Variants in USP15 observed in about 807,000 individuals in gnomAD.
USP15 encodes ubiquitin carboxyl-terminal hydrolase 15.
Under a neutral mutation model 127.1 loss-of-function variants are expected in USP15, and 18 were observed. The ratio of observed to expected loss-of-function variants is 0.14; its 90% confidence interval spans 0.10 to 0.21. The LOEUF (loss-of-function observed/expected upper bound fraction) is 0.21. Among genes scored for constraint, USP15 ranks in the 10% least tolerant of loss-of-function variants. The pLI is 1.00. For missense variants in USP15, 805 were observed against 1,159.9 expected (o/e 0.69, Z 4.44); for synonymous variants, 364 against 393.7 (o/e 0.92, Z 0.89).
At chr12:62,294,329 C>A in intron 2 of USP15, 23 bp downstream of exon 2, 1 of 1,600,436 alleles carries the variant, frequency 6.2e-7, no homozygotes, top group South Asian at 1.2e-5. Flanking sequence ...TTCCTTCAGT[C>A]AAGTTGTAAA....
rs1390309094 is a variant in USP15 at position 62,366,476 on chromosome 12, T to C, written c.915+11001T>C. Among the ~76,000 whole-genome samples the C allele has an allele frequency of 9.8e-5, 15 of 152,324 alleles. No homozygotes were observed. In the East Asian group the frequency reaches 1.9e-3, roughly 20 times the overall value. On this transcript the variant is annotated intron_variant, in intron 8 of 21. Coordinates refer to ENST00000280377, the MANE Select transcript of USP15 (RefSeq NM_001252078.2). ...CTGAGACGATGGGGTTTTCTAAATA[T>C]ACAATCATGCCATCTGCCAACAGAG...
At chr12:62,340,151 A>C (rs2065602926) in intron 6 of USP15, among the ~76,000 whole-genome samples, 1 of 152,122 alleles carries the variant, frequency 6.6e-6, no homozygotes, top group African/African-American at 2.4e-5. Context: ...CGTTTCTTCT[A>C]GATTTTCTAG....
intron 4 of USP15, among the ~76,000 whole-genome samples, chr12:62,316,189 G>C (rs1207963398): frequency 1.3e-5 from 2 of 151,374 alleles, no homozygotes; most frequent in Non-Finnish European, 2.9e-5. Flanking sequence ...GGGAGGCTGA[G>C]GCAAAAAAAT....
chr12:62,297,609 A>G (rs2064172236), intron 2 of USP15, among the ~76,000 whole-genome samples: 2 of 152,254 alleles, frequency 1.3e-5, no homozygotes, highest in South Asian at 4.1e-4. Flanking sequence ...TGCATGCACA[A>G]GTACAGAAAA....
Position 62,391,323 on chromosome 12 carries a change from A to C in USP15, c.2127A>C (p.Lys709Asn). The change falls in exon 16 of 22, where the codon AAA becomes AAC. Residue 709 changes from lysine to asparagine, a missense_variant. By Grantham distance (94) the Lys-to-Asn change is moderately conservative. This residue lies in a region of USP15 where 225 missense variants were observed against 239.5 expected (regional missense o/e 0.94). Transcript: ENST00000280377. ...AAGGTCAACTCACGGGACACAAAAA[A>C]CGATTGTTTACATTCCAGTTCAACA... ...TCKGQLTGHK[K>N]RLFTFQFNNL... The C allele has an allele frequency of 6.2e-7, 1 of 1,613,564 alleles. No homozygotes were observed. The highest frequency in any genetic ancestry group is 1.1e-5 in the South Asian group (1 of 91,048).
chr12:62,387,887 G>T lies in USP15; in HGVS notation c.1474-1544G>T, dbSNP rs573525262. 1.8e-4 allele frequency among the ~76,000 whole-genome samples: 27 copies of T among 152,202 alleles called. No individual in the cohort carries two copies. The South Asian group carries it at 5.2e-3, about 29-fold the overall frequency. ...TTTAGGTCCCAGAGAAAGCAGAAGA[G>T]CATGGGATTTAGAACATAGACGCTA... On this transcript the variant is annotated intron_variant, in intron 11 of 21. Transcript: ENST00000280377.
At chr12:62,328,839 T>G (rs950671689) in intron 6 of USP15, among the ~76,000 whole-genome samples, 3 of 152,166 alleles carry the variant, frequency 2.0e-5, no homozygotes, top group Non-Finnish European at 4.4e-5. Flanking sequence ...GCAAATAGAT[T>G]GGTATAAACT....
At chr12:62,355,556 A>G in intron 8 of USP15, 81 bp downstream of exon 8, 1 of 1,429,298 alleles carries the variant, frequency 7.0e-7, no homozygotes, top group Non-Finnish European at 9.4e-7. Flanking sequence ...TTTTCATGCC[A>G]GAACATGAGT....
intron 3 of USP15, chr12:62,314,143 A>G (rs2064761105): frequency 2.5e-6 from 1 of 404,018 alleles, no homozygotes; most frequent in East Asian, 1.6e-4. Flanking sequence ...GCTGCATAGA[A>G]TTACTAAGTG....
At chr12:62,326,212 C>T (rs2065116888) in intron 6 of USP15, among the ~76,000 whole-genome samples, 1 of 152,116 alleles carries the variant, frequency 6.6e-6, no homozygotes. Flanking sequence ...AATCATTAAA[C>T]ATTTGTTTAA....
chr12:62,314,432 A>G (rs2064772194), intron 3 of USP15, among the ~76,000 whole-genome samples: 1 of 151,932 alleles, frequency 6.6e-6, no homozygotes, highest in Non-Finnish European at 1.5e-5. Context: ...GAGAACGTAC[A>G]TATATATTTG....
In USP15 at chr12:62,302,995, T is replaced by C. The variant is rs1024527406; in HGVS notation, c.348+75T>C. The stretch of plus-strand genomic sequence containing the variant: ...CACATTTTATTATTAATTCAATGAA[T>C]TGTGAAGTTTCATCACTTATCTTAG... On this transcript the variant is annotated intron_variant, in intron 3 of 21. Transcript: ENST00000280377. 4.0e-6 allele frequency: 6 copies of C among 1,502,990 alleles called. No individual in the cohort carries two copies. In the East Asian group the frequency reaches 7.4e-5, roughly 19 times the overall value. The allele number at this position is 1,502,990 out of a possible 1,614,324, so 93.1% of individuals were successfully genotyped here.
intron 1 of USP15, among the ~76,000 whole-genome samples, chr12:62,287,656 G>T (rs556728817): frequency 6.6e-6 from 1 of 151,982 alleles, no homozygotes; most frequent in Non-Finnish European, 1.5e-5. Flanking sequence ...CCAGTGAACA[G>T]AGAGTTTTTC....
intron 1 of USP15, among the ~76,000 whole-genome samples, chr12:62,293,822 G>C (rs890058118): frequency 2.0e-5 from 3 of 151,998 alleles, no homozygotes; most frequent in African/African-American, 7.3e-5. Flanking sequence ...TTATTTGCAA[G>C]CTTCTTGTAA....
intron 1 of USP15, among the ~76,000 whole-genome samples, chr12:62,276,512 G>T (rs190501138): frequency 1.6e-3 from 243 of 151,806 alleles, no homozygotes; most frequent in Non-Finnish European, 3.0e-3. Context: ...AGATATAAAG[G>T]GTAATAATCT....
At chr12:62,280,998 A>G (rs557604757) in intron 1 of USP15, among the ~76,000 whole-genome samples, 25 of 152,208 alleles carry the variant, frequency 1.6e-4, no homozygotes, top group Non-Finnish European at 3.4e-4. Context: ...CTGGACCCTA[A>G]TAGTATATAA....
intron 1 of USP15, among the ~76,000 whole-genome samples, chr12:62,290,280 G>GA (rs1203390563): frequency 2.0e-5 from 3 of 152,122 alleles, no homozygotes; most frequent in African/African-American, 7.2e-5. Flanking sequence ...TTAGTTTTAT[G>GA]AATCTGGGTT....
chr12:62,307,538 C>T (rs910233302), intron 3 of USP15, among the ~76,000 whole-genome samples: 2 of 152,120 alleles, frequency 1.3e-5, no homozygotes, highest in Admixed American at 6.6e-5. Flanking sequence ...CAGGCCTATA[C>T]ATCAAGAGGC....
Position 62,406,064 on chromosome 12 carries a change from A to T in USP15, c.*1689A>T, listed in dbSNP as rs554977630. The T allele has an allele frequency of 6.6e-6, 1 of 151,072 alleles. No homozygotes were observed. Among genetic ancestry groups the T allele is most frequent in the East Asian group, 2.0e-4 (1 of 5,116 alleles). 9.4% of individuals were successfully genotyped at this position (151,072 alleles called of 1,614,324 possible). A position where few individuals can be genotyped will look rare whatever the true frequency, so the allele number is the denominator to read the frequency against. On this transcript the variant is annotated 3_prime_UTR_variant, in exon 22 of 22. Coordinates refer to ENST00000280377, the MANE Select transcript of USP15 (RefSeq NM_001252078.2). Reference sequence around the variant, plus strand: ...TGCACTTGAGTTCACTTGAGTTTACATTTGAAATGTGCATGTTTATTTATA... The same window carrying T: ...TGCACTTGAGTTCACTTGAGTTTACTTTTGAAATGTGCATGTTTATTTATA...
Sources: gnomAD v4.1 joint callset for allele counts (sites outside exome capture counted in the v4.1 genomes callset) on GRCh38, gnomAD v4.1.1 for gene constraint, gnomAD v4.1.1 regional missense constraint, MANE v1.5 for transcripts, NCBI Gene and HGNC (gene_info 2026-07-23, HGNC 2026-07-21) for gene names.